Variants in TTYH3 observed in about 807,000 individuals in gnomAD.
TTYH3 encodes tweety family member 3.
TTYH3 carries 23 observed loss-of-function variants against 68.2 expected under a neutral mutation model. The ratio of observed to expected loss-of-function variants is 0.34; its 90% CI spans 0.24 to 0.48. TTYH3 has a LOEUF of 0.48. Among genes scored for constraint, TTYH3 ranks in the 20% least tolerant of loss-of-function variants. The probability of loss-of-function intolerance (pLI) is 0.99; values close to 1 mark genes in which losing one functional copy is unlikely to be tolerated. For missense variants in TTYH3, 768 were observed against 727.7 expected, an observed-to-expected ratio of 1.06 and a Z score of -0.64; for synonymous variants, 360 against 332.8, an observed-to-expected ratio of 1.08 and a Z score of -0.89.
rs528502322 is a variant in TTYH3, at chr7:2,642,783, C to A, written c.124-4070C>A. 3.5e-5 allele frequency among the ~76,000 whole-genome samples: 5 copies of A among 143,946 alleles called. No individual in the cohort carries two copies. The East Asian group carries it at 1.0e-3, about 30-fold the overall frequency. 94.4% of individuals were successfully genotyped at this position (143,946 alleles called of 152,430 possible). ...TTTTTTTTTAAATCGTAGACTTGGGCTGGGTGTGGTGGCTCACGTCTGTAA... is the reference window on the plus strand; with the variant it reads ...TTTTTTTTTAAATCGTAGACTTGGGATGGGTGTGGTGGCTCACGTCTGTAA... On this transcript the variant is annotated intron_variant, in intron 1 of 13. Transcript: ENST00000258796.
chr7:2,660,686 T>A (rs1786471873), intron 13 of TTYH3: 7 of 478,412 alleles, frequency 1.5e-5, no homozygotes, highest in African/African-American at 4.2e-5. Flanking sequence ...CTTCTTGGTG[T>A]CCCAGGAGGG....
At position 2,640,666 on chromosome 7, in the gene TTYH3, CTG is replaced by C. The variant is rs574560497; in HGVS notation, c.124-6182_124-6181del. ...GCATTGCGTTGGGGGGTGCCTGTGT[CTG>C]TGTGGCTGATGGGAGTCACGTCCAG... On this transcript the variant is annotated intron_variant, in intron 1 of 13. Transcript: ENST00000258796. Among the ~76,000 whole-genome samples the C allele has an allele frequency of 1.6e-3, 237 of 152,340 alleles. 1 individual carries two copies. Among genetic ancestry groups the C allele is most frequent in the African/African-American group, 5.5e-3 (227 of 41,572 alleles).
In TTYH3 at chr7:2,649,609, C is replaced by T. The variant is rs779900502; in HGVS notation, c.765C>T (p.Gly255=). The T allele has an allele frequency of 2.8e-5, 44 of 1,598,650 alleles. No individual in the cohort carries two copies. Among genetic ancestry groups the T allele is most frequent in the East Asian group, 1.3e-4 (6 of 44,642 alleles). Reference sequence around the variant, plus strand: ...TCCTGGCCCTGGTCATCAGCTGGGGCGCGCTGGGCTTGGAGCTGGCTGTGT... The same window carrying T: ...TCCTGGCCCTGGTCATCAGCTGGGGTGCGCTGGGCTTGGAGCTGGCTGTGT... ...LGVLALVISW[G]ALGLELAVSV... is the part of the protein sequence containing the mutation. Residue 255 remains glycine, a synonymous_variant, in exon 6 of 14, where the codon GGC becomes GGT. Transcript: ENST00000258796.
intron 1 of TTYH3, among the ~76,000 whole-genome samples, chr7:2,637,798 T>C (rs1320521908): frequency 6.6e-6 from 1 of 152,100 alleles, no homozygotes; most frequent in Non-Finnish European, 1.5e-5. Flanking sequence ...ACCCAGGCCC[T>C]GTGCTGGGCC....
intron 13 of TTYH3, chr7:2,660,556 TCCC>T: frequency 2.1e-6 from 2 of 970,600 alleles, no homozygotes; most frequent in Non-Finnish European, 1.2e-6. Flanking sequence ...TCCCGTCCAG[TCCC>T]GCCCCGTCCC....
At chr7:2,641,809 C>T (rs1024119930) in intron 1 of TTYH3, among the ~76,000 whole-genome samples, 6 of 152,234 alleles carry the variant, frequency 3.9e-5, no homozygotes, top group South Asian at 2.1e-4. Context: ...GCACGCTCCC[C>T]GCAGACAGCT....
Position 2,656,403 on chromosome 7 carries a change from C to T in TTYH3, c.1119C>T (p.Tyr373=), listed in dbSNP as rs200998876. 1.2e-4 allele frequency: 195 copies of T among 1,609,184 alleles called. 1 individual carries two copies. The East Asian group carries it at 1.5e-3, about 12-fold the overall frequency. Residue 373 remains tyrosine (Y), a synonymous_variant, in exon 11 of 14, where the codon TAC becomes TAT. Transcript: ENST00000258796. ...ATCTCATCCCACGGCCTCAGGACTACGTGCAAGCGCTGACCGGCTTCTGCT... is the reference window on the plus strand; with the variant it reads ...ATCTCATCCCACGGCCTCAGGACTATGTGCAAGCGCTGACCGGCTTCTGCT... ...LVDCRSLHLD[Y]VQALTGFCYD... is the part of the protein sequence containing the mutation.
intron 5 of TTYH3, among the ~76,000 whole-genome samples, chr7:2,649,059 A>C (rs1310564791): frequency 3.3e-5 from 5 of 151,962 alleles, no homozygotes; most frequent in Admixed American, 1.3e-4. Context: ...GGGTATGCAC[A>C]GGAGGCCTGT....
Position 2,647,007 on chromosome 7 carries a change from C to G in TTYH3, c.278C>G (p.Ala93Gly), listed in dbSNP as rs775087349. 9 of 1,576,752 alleles carry G rather than the reference C, an allele frequency of 5.7e-6. No homozygotes were observed. The South Asian group carries it at 8.0e-5, about 14-fold the overall frequency. ...CCCTAWCVII[A>G]TLVCSAGIAV... ...TGCACGGCCTGGTGTGTCATCATCGCCACGCTGGTGTGCAGGTGAGCGCGG... is the reference window on the plus strand; with the variant it reads ...TGCACGGCCTGGTGTGTCATCATCGGCACGCTGGTGTGCAGGTGAGCGCGG... The change falls in exon 2 of 14, where the codon GCC (alanine) becomes GGC (glycine). Residue 93 changes from alanine to glycine, a missense_variant. Coordinates refer to ENST00000258796, the MANE Select transcript of TTYH3 (RefSeq NM_025250.3).
At chr7:2,659,141 C>A in intron 13 of TTYH3, 126 bp downstream of exon 13, 1 of 937,248 alleles carries the variant, frequency 1.1e-6, no homozygotes, top group Non-Finnish European at 1.6e-6. Flanking sequence ...TGTGAGCTGC[C>A]ACCACCGGGG....
chr7:2,633,653 G>C (rs549305609), intron 1 of TTYH3, among the ~76,000 whole-genome samples: 22 of 152,368 alleles, frequency 1.4e-4, no homozygotes, highest in African/African-American at 5.0e-4. Context: ...TGATGGCTTT[G>C]CCACTTGTCC....
intron 13 of TTYH3, chr7:2,660,009 A>G: frequency 7.7e-7 from 1 of 1,303,908 alleles, no homozygotes; most frequent in Non-Finnish European, 1.0e-6. Context: ...CAGTGCCCGA[A>G]CGCTGTGGTA....
In TTYH3 at chr7:2,635,509, C is replaced by T. The variant is rs1001960519; in HGVS notation, c.123+3231C>T. On this transcript the variant is annotated intron_variant, in intron 1 of 13. Transcript: ENST00000258796. Reference sequence around the variant, plus strand: ...GCTGTCTCCTCCAGCTCAGGGCAGGCCAGATGCAGGACAACAGCTACGGAC... The same window carrying T: ...GCTGTCTCCTCCAGCTCAGGGCAGGTCAGATGCAGGACAACAGCTACGGAC... 3.3e-5 allele frequency among the ~76,000 whole-genome samples: 5 copies of T among 152,186 alleles called. 1 individual carries two copies. The highest frequency in any genetic ancestry group is 2.0e-4 in the Admixed American group (3 of 15,274).
intron 1 of TTYH3, among the ~76,000 whole-genome samples, chr7:2,638,741 T>C (rs1475991773): frequency 6.6e-6 from 1 of 152,162 alleles, no homozygotes; most frequent in Non-Finnish European, 1.5e-5. Context: ...TTTGGGCCAG[T>C]GTCGCTGGGA....
At position 2,646,930 on chromosome 7, in the gene TTYH3, G is replaced by T. The variant is rs150889231; in HGVS notation, c.201G>T (p.Trp67Cys). Residue 67 changes from tryptophan to cysteine, a missense_variant, in exon 2 of 14, where the codon TGG (tryptophan) becomes TGT (cysteine). Physicochemically the swap from Trp to Cys is radical, Grantham distance 215. Transcript: ENST00000258796. ...TCTTCCTGCTCTTCTACTCCTTCTG[G>T]CTGTGCTGCCGGCGGCGCAAGAGCG... ...DLLFLLFYSF[W>C]LCCRRRKSEE... 6.4e-5 allele frequency: 103 copies of T among 1,601,398 alleles called. No individual in the cohort carries two copies. The African/African-American group carries it at 1.2e-3, about 19-fold the overall frequency.
At chr7:2,635,690 G>A (rs531831738) in intron 1 of TTYH3, among the ~76,000 whole-genome samples, 1 of 152,334 alleles carries the variant, frequency 6.6e-6, no homozygotes, top group East Asian at 1.9e-4. Flanking sequence ...TCCTCCATGG[G>A]CCGTGCTGGC....
Position 2,645,704 on chromosome 7 carries a change from C to G in TTYH3, c.124-1149C>G, listed in dbSNP as rs553886963. On this transcript the variant is annotated intron_variant, in intron 1 of 13. Coordinates refer to ENST00000258796, the MANE Select transcript of TTYH3 (RefSeq NM_025250.3). This position sits in a 1 kb window ranked among gnomAD's most constrained non-coding sequence, Gnocchi z 4.8. Reference sequence around the variant, plus strand: ...GGACGGTGCCCACCCCTGAGTGCAGCTTCTCGGTGCACAGACCCCAGACAG... The same window carrying G: ...GGACGGTGCCCACCCCTGAGTGCAGGTTCTCGGTGCACAGACCCCAGACAG... 20 of 443,850 alleles carry G rather than the reference C, an allele frequency of 4.5e-5. No homozygotes were observed. The highest frequency in any genetic ancestry group is 2.8e-4 in the South Asian group (17 of 61,748). 27.5% of individuals were successfully genotyped at this position (443,850 alleles called of 1,614,324 possible).
At chr7:2,654,950 T>C (rs1786292833) in intron 9 of TTYH3, among the ~76,000 whole-genome samples, 1 of 151,900 alleles carries the variant, frequency 6.6e-6, no homozygotes, top group East Asian at 1.9e-4. Context: ...ATTTTCCTCT[T>C]CTTATAAGGA....
At position 2,656,513 on chromosome 7, in the gene TTYH3, C is replaced by T. The variant is rs755940973; in HGVS notation, c.1229C>T (p.Pro410Leu). Residue 410 changes from proline to leucine, a missense_variant, in exon 11 of 14, where the codon CCG becomes CTG. Pro to Leu is a moderately conservative substitution (Grantham distance 98). Transcript: ENST00000258796. ...TTCAGCTCCATCGTCTGCAGCGTCC[C>T]GCACACCTGGCAGCAAAAGAGGTGA... ...LMFSSIVCSVPHTWQQKRGPD... is the reference protein window; with the variant it reads ...LMFSSIVCSVLHTWQQKRGPD... 38 of 1,605,468 alleles carry T rather than the reference C, an allele frequency of 2.4e-5. No individual in the cohort carries two copies. Among genetic ancestry groups the T allele is most frequent in the East Asian group, 6.7e-5 (3 of 44,488 alleles).
Sources: allele counts gnomAD v4.1 joint callset (sites outside exome capture counted in the v4.1 genomes callset), GRCh38; gene constraint gnomAD v4.1.1; non-coding constraint Gnocchi (gnomAD v3.1); transcripts MANE v1.5; gene names NCBI Gene and HGNC (gene_info 2026-07-23, HGNC 2026-07-21).